Variants in TMPRSS3 observed in about 807,000 individuals in gnomAD.
The protein encoded by TMPRSS3 is transmembrane protease serine 3.
TMPRSS3 carries 55 observed loss-of-function variants against 59.6 expected under a neutral mutation model. The observed-to-expected ratio is 0.92, with a 90% CI of 0.74 to 1.16. The LOEUF (loss-of-function observed/expected upper bound fraction) is 1.16, where lower values mean the gene tolerates loss of function less well. Ranked by LOEUF, TMPRSS3 falls within the 50% of genes most tolerant of loss-of-function variation. TMPRSS3 has a pLI of 0.00. For synonymous variants in TMPRSS3, 257 were observed against 237.7 expected (o/e 1.08, Z -0.75); for missense variants, 596 against 579.4 (o/e 1.03, Z -0.29).
In TMPRSS3 at chr21:42,390,028, G is replaced by A. The variant is rs1421236349; in HGVS notation, c.104C>T (p.Ala35Val). The A allele has an allele frequency of 1.2e-6, 2 of 1,613,338 alleles. No homozygotes were observed. Among genetic ancestry groups the A allele is most frequent in the South Asian group, 1.1e-5 (1 of 91,074 alleles). The change falls in exon 3 of 13, where the codon GCT (alanine) becomes GTT (valine). Residue 35 changes from alanine to valine, a missense_variant. By Grantham distance (64) the Ala-to-Val change is moderately conservative. Transcript: ENST00000644384. Reference sequence around the variant, plus strand: ...CAGTGACAGGATCTGTGCAGCAACAGCATCTGCATCTGAAAACCAGAAAAA... The same window carrying A: ...CAGTGACAGGATCTGTGCAGCAACAACATCTGCATCTGAAAACCAGAAAAA... ...KISPVAPDAD[A>V]VAAQILSLLP...
chr21:42,388,974 C>T lies in TMPRSS3; in HGVS notation c.277G>A (p.Asp93Asn), dbSNP rs762109724. Reference sequence around the variant, plus strand: ...CCGTCTTTGCAATCCGAGACTCCGTCACATCGAGCTATCAGCTCGATACAC... The same window carrying T: ...CCGTCTTTGCAATCCGAGACTCCGTTACATCGAGCTATCAGCTCGATACAC... ...FKCIELIARC[D>N]GVSDCKDGED... Residue 93 changes from aspartate (D) to asparagine (N), a missense_variant, in exon 4 of 13, where the codon GAC becomes AAC. Transcript: ENST00000644384. This position sits in a 1 kb window ranked among gnomAD's most constrained non-coding sequence, Gnocchi z 5.1. 2 of 1,614,228 alleles carry T rather than the reference C, an allele frequency of 1.2e-6. No individual in the cohort carries two copies. The highest frequency in any genetic ancestry group is 2.2e-5 in the South Asian group (2 of 91,086).
At chr21:42,376,806 G>A (rs902256395) in intron 10 of TMPRSS3, 123 bp from the exon 11 acceptor site, 17 of 1,432,138 alleles carry the variant, frequency 1.2e-5, no homozygotes, top group African/African-American at 4.2e-5. Context: ...CTGGTGTGTC[G>A]CAACAGCGGA....
In TMPRSS3 at chr21:42,388,564, A is replaced by G. The variant is rs760539941; in HGVS notation, c.323-38T>C. On this transcript the variant is annotated intron_variant, in intron 4 of 12. Coordinates refer to ENST00000644384, the MANE Select transcript of TMPRSS3 (RefSeq NM_001256317.3). This position sits in a 1 kb window ranked among gnomAD's most constrained non-coding sequence, Gnocchi z 5.1. The stretch of plus-strand genomic sequence containing the variant: ...CAGAAAGAAAGGCTTATTAGTGGCC[A>G]GTGGAACCCTGAGACCATAGGCAGG... 2.5e-6 allele frequency: 4 copies of G among 1,613,980 alleles called. No individual in the cohort carries two copies. The East Asian group carries it at 8.9e-5, about 36-fold the overall frequency.
intron 8 of TMPRSS3, 148 bp downstream of exon 8, chr21:42,382,885 G>T: frequency 1.1e-6 from 1 of 939,326 alleles, no homozygotes; most frequent in Non-Finnish European, 1.7e-6. Flanking sequence ...TCCACAGTGA[G>T]GCTGGAGACT....
chr21:42,382,314 T>C (rs747445264), intron 8 of TMPRSS3, 80 bp from the exon 9 acceptor site: 13 of 1,321,098 alleles, frequency 9.8e-6, no homozygotes, highest in Non-Finnish European at 1.4e-5. Flanking sequence ...CCTGAAAACC[T>C]AGGAAGATGG....
intron 5 of TMPRSS3, 144 bp from the exon 6 acceptor site, chr21:42,385,678 C>G: frequency 1.8e-6 from 2 of 1,102,962 alleles, no homozygotes; most frequent in Admixed American, 1.8e-5. Flanking sequence ...CTTCCTTTGC[C>G]AAGAGAATGA....
chr21:42,375,012 A>C (rs772738011), intron 12 of TMPRSS3, among the ~76,000 whole-genome samples: 1 of 149,972 alleles, frequency 6.7e-6, no homozygotes, highest in Non-Finnish European at 1.5e-5. Flanking sequence ...ATCTGAGATC[A>C]AGCCAGCAAA....
Position 42,382,290 on chromosome 21 carries a change from T to C in TMPRSS3, c.783-56A>G, listed in dbSNP as rs779210242. 3 of 1,506,672 alleles carry C rather than the reference T, an allele frequency of 2.0e-6. No homozygotes were observed. In the South Asian group the frequency reaches 3.4e-5, roughly 17 times the overall value. 93.3% of individuals were successfully genotyped at this position (1,506,672 alleles called of 1,614,324 possible). On this transcript the variant is annotated intron_variant, in intron 8 of 12. Transcript: ENST00000644384. The stretch of plus-strand genomic sequence containing the variant: ...AGGAAAAGTCCAACCACTGAACTCA[T>C]TGACCTCAGGTATCCTGAAAACCTA...
chr21:42,392,004 C>T (rs918254717), intron 2 of TMPRSS3, among the ~76,000 whole-genome samples: 1 of 152,130 alleles, frequency 6.6e-6, no homozygotes, highest in African/African-American at 2.4e-5. Flanking sequence ...CTCATCAATC[C>T]TAAAAATACA....
At chr21:42,385,977 G>A (rs1226103314) in intron 5 of TMPRSS3, among the ~76,000 whole-genome samples, 1 of 152,136 alleles carries the variant, frequency 6.6e-6, no homozygotes, top group Non-Finnish European at 1.5e-5. Flanking sequence ...TGAGTTGGAG[G>A]AACAGGAGAG....
chr21:42,391,825 T>C (rs1470813372), intron 2 of TMPRSS3, among the ~76,000 whole-genome samples: 1 of 152,178 alleles, frequency 6.6e-6, no homozygotes, highest in African/African-American at 2.4e-5. Context: ...TAGGGTGACA[T>C]CTCAGGCCCT....
Position 42,381,708 on chromosome 21 carries a change from C to G in TMPRSS3, c.952+357G>C, listed in dbSNP as rs186001123. Reference sequence around the variant, plus strand: ...TCTAAAATTATTGTTGGAACTACAGCCCACCAATCTACCTGGCAGAGTCAT... The same window carrying G: ...TCTAAAATTATTGTTGGAACTACAGGCCACCAATCTACCTGGCAGAGTCAT... On this transcript the variant is annotated intron_variant, in intron 9 of 12. Coordinates refer to ENST00000644384, the MANE Select transcript of TMPRSS3 (RefSeq NM_001256317.3). 2.6e-5 allele frequency among the ~76,000 whole-genome samples: 4 copies of G among 152,292 alleles called. No individual in the cohort carries two copies. In the East Asian group the frequency reaches 7.7e-4, roughly 29 times the overall value.
chr21:42,390,149 G>T, intron 2 of TMPRSS3, 112 bp from the exon 3 acceptor site: 3 of 880,904 alleles, frequency 3.4e-6, no homozygotes, highest in East Asian at 2.6e-5. Context: ...AGAAGTCTCA[G>T]CCCAAAGAAA....
chr21:42,374,534 G>A (rs1010132326), intron 12 of TMPRSS3, among the ~76,000 whole-genome samples: 8 of 152,210 alleles, frequency 5.3e-5, no homozygotes, highest in African/African-American at 1.2e-4. Flanking sequence ...AGGTCTTTGA[G>A]CCTTGGAGAC....
At position 42,372,369 on chromosome 21, in the gene TMPRSS3, G is replaced by T. The variant is rs902150991; in HGVS notation, c.*393C>A. ...GAGGTCAGGGGTTTGAGAGCAGCCT[G>T]GCCAACATGGTGAAACCCTGTCTCT... On this transcript the variant is annotated 3_prime_UTR_variant, in exon 13 of 13. Coordinates refer to ENST00000644384, the MANE Select transcript of TMPRSS3 (RefSeq NM_001256317.3). The T allele has an allele frequency of 4.3e-6, 2 of 460,424 alleles. No individual in the cohort carries two copies. Among genetic ancestry groups the T allele is most frequent in the Admixed American group, 4.7e-5 (2 of 42,746 alleles). The allele number at this position is 460,424 out of a possible 1,614,324, so 28.5% of individuals were successfully genotyped here. A position where few individuals can be genotyped will look rare whatever the true frequency, so the allele number is the denominator to read the frequency against.
intron 9 of TMPRSS3, among the ~76,000 whole-genome samples, chr21:42,381,410 G>C (rs2052525713): frequency 6.6e-6 from 1 of 152,214 alleles, no homozygotes. Context: ...CACCTGGCCA[G>C]CCTGGGAGGT....
intron 2 of TMPRSS3, among the ~76,000 whole-genome samples, chr21:42,394,099 G>A (rs73905626): frequency 0.032 from 4,884 of 152,116 alleles, 96 homozygotes; most frequent in African/African-American, 0.049. Flanking sequence ...TCAATGAACT[G>A]TATTTTCTAA....
chr21:42,375,395 G>A (rs982364603), intron 12 of TMPRSS3, among the ~76,000 whole-genome samples: 3 of 141,386 alleles, frequency 2.1e-5, no homozygotes, highest in African/African-American at 5.4e-5. Context: ...CCTGGCACAC[G>A]GGGCACGCCC....
At chr21:42,373,657 T>C (rs1371886736) in intron 12 of TMPRSS3, among the ~76,000 whole-genome samples, 1 of 152,224 alleles carries the variant, frequency 6.6e-6, no homozygotes, top group Non-Finnish European at 1.5e-5. Context: ...GATCTGTTGA[T>C]TCTGCTGTGC....
Sources: allele counts gnomAD v4.1 joint callset (sites outside exome capture counted in the v4.1 genomes callset), GRCh38; gene constraint gnomAD v4.1.1; non-coding constraint Gnocchi (gnomAD v3.1); transcripts MANE v1.5; gene names NCBI Gene and HGNC (gene_info 2026-07-23, HGNC 2026-07-21).